The following GPRC6A variants were observed in gnomAD, a reference collection of about 807,000 sequenced individuals.
GPRC6A encodes the protein G protein-coupled receptor class C group 6 member A, also known as G protein-coupled receptor family C group 6 member A.
Under a neutral mutation model 47.0 loss-of-function variants are expected in GPRC6A, and 54 were observed. That is an observed-to-expected ratio of 1.15 (90% CI 0.92 to 1.44). The LOEUF (loss-of-function observed/expected upper bound fraction) is 1.44. Ranked by LOEUF, GPRC6A falls within the 40% of genes most tolerant of loss-of-function variation. GPRC6A has a pLI of 0.00. For synonymous variants in GPRC6A, 347 were observed against 377.1 expected, an observed-to-expected ratio of 0.92 and a Z score of 0.93; for missense variants, 1,112 against 1,105.5, an observed-to-expected ratio of 1.01 and a Z score of -0.08.
At position 116,818,532 on chromosome 6, in the gene GPRC6A, T is replaced by TCAAAAAAAAAAAA. The variant is rs1554263527; in HGVS notation, c.195-8916_195-8915insTTTTTTTTTTTTG. On this transcript the variant is annotated intron_variant, in intron 1 of 5. Transcript: ENST00000310357. Reference sequence around the variant, plus strand: ...CTGGGCGACAGAGCGAGACTCCGTCTAAAAAAAAAAAAAAAAAAAAAAAAA... The same window carrying TCAAAAAAAAAAAA: ...CTGGGCGACAGAGCGAGACTCCGTCTCAAAAAAAAAAAAAAAAAAAAAAAAAAAAAAAAAAAAA... 1.6e-3 allele frequency among the ~76,000 whole-genome samples: 25 copies of TCAAAAAAAAAAAA among 15,510 alleles called. 8 individuals are homozygous for TCAAAAAAAAAAAA. Among genetic ancestry groups the TCAAAAAAAAAAAA allele is most frequent in the Admixed American group, 5.9e-3 (7 of 1,190 alleles). 10.2% of individuals were successfully genotyped at this position (15,510 alleles called of 152,430 possible). A position where few individuals can be genotyped will look rare whatever the true frequency, so the allele number is the denominator to read the frequency against.
rs1773217244 is a variant in GPRC6A at position 116,816,614 on chromosome 6, C to G, written c.195-6997G>C. Among the ~76,000 whole-genome samples the G allele has an allele frequency of 3.9e-5, 6 of 152,284 alleles. 1 individual carries two copies. In the South Asian group the frequency reaches 1.2e-3, roughly 32 times the overall value. On this transcript the variant is annotated intron_variant, in intron 1 of 5. Coordinates refer to ENST00000310357, the MANE Select transcript of GPRC6A (RefSeq NM_148963.4). ...AGAAGACGGGTGATTTCTGCATTTC[C>G]ATCTGAGGTACCGGGTTCATCTCAC... is the stretch of plus-strand genomic sequence containing the variant.
intron 1 of GPRC6A, among the ~76,000 whole-genome samples, 195 bp downstream of exon 1, chr6:116,828,625 G>T (rs1773743428): frequency 6.6e-6 from 1 of 151,966 alleles, no homozygotes; most frequent in East Asian, 1.9e-4. Context: ...TGCACTTGGA[G>T]GTTGTTTCAT....
At chr6:116,807,340 CCTTA>C in intron 2 of GPRC6A, 134 bp from the exon 3 acceptor site, 1 of 629,680 alleles carries the variant, frequency 1.6e-6, no homozygotes. Flanking sequence ...TCATCCTTCT[CCTTA>C]CTTAGCCCCT....
chr6:116,821,202 A>G (rs1408136635), intron 1 of GPRC6A, among the ~76,000 whole-genome samples: 2 of 152,062 alleles, frequency 1.3e-5, no homozygotes, highest in African/African-American at 2.4e-5. Context: ...GCTCAAGGAA[A>G]TAAAAGAGGA....
intron 1 of GPRC6A, among the ~76,000 whole-genome samples, chr6:116,821,034 CA>C: frequency 6.7e-6 from 1 of 150,192 alleles, no homozygotes; most frequent in Non-Finnish European, 1.5e-5. Flanking sequence ...AATCAATGTA[CA>C]AAAATCACAA....
chr6:116,815,614 G>T (rs1229927942), intron 1 of GPRC6A, among the ~76,000 whole-genome samples: 2 of 152,134 alleles, frequency 1.3e-5, no homozygotes, highest in East Asian at 3.9e-4. Context: ...CCATATATTA[G>T]GCCATAAAAC....
At chr6:116,820,941 AT>A (rs1455080434) in intron 1 of GPRC6A, among the ~76,000 whole-genome samples, 1 of 152,132 alleles carries the variant, frequency 6.6e-6, no homozygotes, top group Non-Finnish European at 1.5e-5. Flanking sequence ...AGATGACATG[AT>A]TGTATATCTA....
intron 1 of GPRC6A, among the ~76,000 whole-genome samples, chr6:116,814,771 GAGAT>G (rs1163629531): frequency 1.3e-5 from 2 of 151,628 alleles, no homozygotes; most frequent in Non-Finnish European, 2.9e-5. Context: ...AGAAAAAAAA[GAGAT>G]ATAGACTGGC....
At chr6:116,797,137 G>C (rs1772515294) in intron 4 of GPRC6A, among the ~76,000 whole-genome samples, 1 of 151,278 alleles carries the variant, frequency 6.6e-6, no homozygotes, top group Non-Finnish European at 1.5e-5. Flanking sequence ...TGAGGTGTTT[G>C]GTTTTTTGTT....
intron 3 of GPRC6A, among the ~76,000 whole-genome samples, 165 bp from the exon 4 acceptor site, chr6:116,800,961 AAT>A (rs1244847967): frequency 6.6e-6 from 1 of 152,224 alleles, no homozygotes; most frequent in Non-Finnish European, 1.5e-5. Flanking sequence ...ACAATTTGAG[AAT>A]GAATTTCACT....
intron 3 of GPRC6A, 29 bp from the exon 4 acceptor site, chr6:116,800,825 C>G: frequency 9.4e-6 from 13 of 1,382,698 alleles, no homozygotes; most frequent in Non-Finnish European, 1.3e-5. Context: ...GAGATAAGCA[C>G]TTAATATAAA....
chr6:116,825,947 G>C (rs975275194), intron 1 of GPRC6A, among the ~76,000 whole-genome samples: 1 of 151,874 alleles, frequency 6.6e-6, no homozygotes, highest in African/African-American at 2.4e-5. Flanking sequence ...CTATTCAGGG[G>C]AAAGGACTTC....
At chr6:116,814,906 A>G (rs1773156107) in intron 1 of GPRC6A, among the ~76,000 whole-genome samples, 1 of 152,152 alleles carries the variant, frequency 6.6e-6, no homozygotes, top group Non-Finnish European at 1.5e-5. Flanking sequence ...GCAAACAAAA[A>G]CCAAAAGTGA....
chr6:116,797,077 C>G (rs1772512286), intron 4 of GPRC6A, among the ~76,000 whole-genome samples: 1 of 150,244 alleles, frequency 6.7e-6, no homozygotes, highest in Non-Finnish European at 1.5e-5. Context: ...TGTTCCCCTT[C>G]CTGTGTCCAT....
At chr6:116,810,874 C>A (rs1773001622) in intron 1 of GPRC6A, among the ~76,000 whole-genome samples, 1 of 152,100 alleles carries the variant, frequency 6.6e-6, no homozygotes, top group African/African-American at 2.4e-5. Flanking sequence ...GAGGGTCATC[C>A]TGTCACTGCC....
intron 1 of GPRC6A, among the ~76,000 whole-genome samples, chr6:116,826,404 A>C (rs1170816166): frequency 6.6e-6 from 1 of 152,040 alleles, no homozygotes; most frequent in Non-Finnish European, 1.5e-5. Flanking sequence ...TCAAAAGAAG[A>C]TATAAATAGC....
chr6:116,827,041 A>G (rs1377361595), intron 1 of GPRC6A, among the ~76,000 whole-genome samples: 1 of 151,760 alleles, frequency 6.6e-6, no homozygotes, highest in Non-Finnish European at 1.5e-5. Context: ...AAAGTACTAG[A>G]GGATGGGAAG....
Position 116,792,527 on chromosome 6 carries a change from A to G in GPRC6A, c.2396T>C (p.Ile799Thr), listed in dbSNP as rs1049938747. 6.2e-7 allele frequency: 1 copy of G among 1,613,852 alleles called. No homozygotes were observed. The highest frequency in any genetic ancestry group is 8.5e-7 in the Non-Finnish European group (1 of 1,179,888). Reference protein sequence around the residue: ...LIYFIAWITFIPIYATTFGKY... With the variant: ...LIYFIAWITFTPIYATTFGKY... ...GCCAAATGTGGTAGCATAGATAGGG[A>G]TGAATGTGATCCAAGCTATGAAGTA... The change falls in exon 6 of 6, where the codon ATC (isoleucine) becomes ACC (threonine). Residue 799 changes from isoleucine to threonine, a missense_variant. Ile to Thr is a moderately conservative substitution (Grantham distance 89). Coordinates refer to ENST00000310357, the MANE Select transcript of GPRC6A (RefSeq NM_148963.4).
chr6:116,820,638 G>C (rs1451118722), intron 1 of GPRC6A, among the ~76,000 whole-genome samples: 5 of 150,990 alleles, frequency 3.3e-5, no homozygotes, highest in Non-Finnish European at 3.0e-5. Flanking sequence ...TGCAGAAAAA[G>C]CCTTTGACAA....
Sources: gnomAD v4.1 joint callset for allele counts (sites outside exome capture counted in the v4.1 genomes callset) on GRCh38, gnomAD v4.1.1 for gene constraint, MANE v1.5 for transcripts, NCBI Gene and HGNC (gene_info 2026-07-23, HGNC 2026-07-21) for gene names.